The following MAGI2 variants were observed in gnomAD, a reference collection of about 807,000 sequenced individuals.
The protein encoded by MAGI2 is membrane associated guanylate kinase, WW and PDZ domain containing 2.
In MAGI2, 35 loss-of-function variants were observed where a neutral mutation model predicts 133.3. The observed-to-expected ratio is 0.26, with a 90% confidence interval of 0.20 to 0.35. The LOEUF (loss-of-function observed/expected upper bound fraction) is 0.35. Among genes scored for constraint, MAGI2 ranks in the 10% least tolerant of loss-of-function variants. MAGI2 has a pLI of 1.00. For missense variants in MAGI2, 1,636 were observed against 1,863.4 expected (o/e 0.88, Z 2.25); for synonymous variants, 729 against 710.6 (o/e 1.03, Z -0.41).
intron 1 of MAGI2, among the ~76,000 whole-genome samples, chr7:79,304,689 G>A (rs1837648553): frequency 6.6e-6 from 1 of 152,158 alleles, no homozygotes; most frequent in Non-Finnish European, 1.5e-5. Flanking sequence ...GCTGAGCACT[G>A]AATGTCAAAT....
At chr7:78,616,849 A>G (rs1287924301) in intron 3 of MAGI2, 3 of 152,186 alleles carry the variant, frequency 2.0e-5, no homozygotes, top group Non-Finnish European at 4.4e-5. Context: ...GTATTCATCC[A>G]TTCATTCAAC....
At chr7:79,394,688 A>G (rs1295201515) in intron 1 of MAGI2, among the ~76,000 whole-genome samples, 1 of 152,212 alleles carries the variant, frequency 6.6e-6, no homozygotes, top group Non-Finnish European at 1.5e-5. Flanking sequence ...TCTTCATTCT[A>G]CAAACAGTAA....
At chr7:79,008,821 T>C (rs544408950) in intron 1 of MAGI2, 1 of 152,284 alleles carries the variant, frequency 6.6e-6, no homozygotes, top group East Asian at 1.9e-4. Flanking sequence ...GGCACCACAC[T>C]AAAATAGCTA....
chr7:78,449,544 T>A (rs918073411), intron 6 of MAGI2, among the ~76,000 whole-genome samples: 1 of 151,988 alleles, frequency 6.6e-6, no homozygotes, highest in African/African-American at 2.4e-5. Context: ...CTAAGCAGAG[T>A]CTTGCTCCAT....
intron 1 of MAGI2, among the ~76,000 whole-genome samples, chr7:79,176,063 G>A (rs1386361418): frequency 1.3e-5 from 2 of 152,020 alleles, no homozygotes; most frequent in Non-Finnish European, 2.9e-5. Context: ...ACATGTTAAT[G>A]AATTAATATT....
At chr7:78,590,786 C>T (rs556969541) in intron 3 of MAGI2, among the ~76,000 whole-genome samples, 1 of 152,296 alleles carries the variant, frequency 6.6e-6, no homozygotes, top group South Asian at 2.1e-4. Context: ...GATTCTACTA[C>T]AGGTTAACCA....
At chr7:78,746,801 A>C (rs1822968585) in intron 2 of MAGI2, among the ~76,000 whole-genome samples, 1 of 152,158 alleles carries the variant, frequency 6.6e-6, no homozygotes, top group South Asian at 2.1e-4. Context: ...AAAGCATATT[A>C]ATTATGTGCT....
In MAGI2 at chr7:78,629,798, T is replaced by C. The variant is rs183169911; in HGVS notation, c.419-2559A>G. On this transcript the variant is annotated intron_variant, in intron 2 of 21. Coordinates refer to ENST00000354212, the MANE Select transcript of MAGI2 (RefSeq NM_012301.4). Reference sequence around the variant, plus strand: ...TTTTGCAGAAGACATGAGCTCATTCTTTCTTGGTAAAGAGACAATCTGAAA... The same window carrying C: ...TTTTGCAGAAGACATGAGCTCATTCCTTCTTGGTAAAGAGACAATCTGAAA... Among the ~76,000 whole-genome samples the C allele has an allele frequency of 3.3e-5, 5 of 152,282 alleles. No homozygotes were observed. In the East Asian group the frequency reaches 9.6e-4, roughly 29 times the overall value.
At chr7:79,122,617 A>G (rs968973017) in intron 1 of MAGI2, among the ~76,000 whole-genome samples, 20 of 152,154 alleles carry the variant, frequency 1.3e-4, no homozygotes, top group Admixed American at 6.5e-5. Context: ...TTCTAGTGAG[A>G]AACAAAATTA....
chr7:78,687,762 A>G (rs547077165), intron 2 of MAGI2, among the ~76,000 whole-genome samples: 24 of 151,964 alleles, frequency 1.6e-4, no homozygotes, highest in Admixed American at 2.6e-4. Flanking sequence ...TGAGGCGAGG[A>G]GTTCAAGACC....
At chr7:78,933,488 T>C (rs1192087183) in intron 2 of MAGI2, among the ~76,000 whole-genome samples, 1 of 152,136 alleles carries the variant, frequency 6.6e-6, no homozygotes, top group Non-Finnish European at 1.5e-5. Context: ...TGCAACTTTG[T>C]TCAGTGATGA....
intron 2 of MAGI2, among the ~76,000 whole-genome samples, chr7:78,682,590 T>C (rs1464177269): frequency 6.6e-6 from 1 of 152,160 alleles, no homozygotes; most frequent in East Asian, 1.9e-4. Context: ...CCATGGTGTA[T>C]ATGTGCCACA....
At chr7:78,749,575 A>G (rs1823259297) in intron 2 of MAGI2, among the ~76,000 whole-genome samples, 1 of 152,194 alleles carries the variant, frequency 6.6e-6, no homozygotes, top group Admixed American at 6.5e-5. Context: ...CAAAGATCAC[A>G]CTGGAAAGAG....
In MAGI2 at chr7:78,510,153, G is replaced by A. The variant is rs532369438; in HGVS notation, c.755-8366C>T. Among the ~76,000 whole-genome samples, 15 of 152,208 alleles carry A rather than the reference G, an allele frequency of 9.9e-5. No homozygotes were observed. In the South Asian group the frequency reaches 2.7e-3, roughly 27 times the overall value. ...AATTTGAAATGTAAACTTTTTTTAC[G>A]TTTCCTTTAAAAATTCCCCGATAAC... On this transcript the variant is annotated intron_variant, in intron 4 of 21. Transcript: ENST00000354212.
At chr7:78,229,016 A>G (rs756761600) in intron 10 of MAGI2, among the ~76,000 whole-genome samples, 2 of 152,284 alleles carry the variant, frequency 1.3e-5, no homozygotes, top group African/African-American at 4.8e-5. Context: ...CTTTCGGCCA[A>G]TGCAAATCAA....
rs565787874 is a variant in MAGI2, at chr7:79,329,237, T to C, written c.301+123783A>G. Among the ~76,000 whole-genome samples the C allele has an allele frequency of 2.0e-5, 3 of 152,306 alleles. No individual in the cohort carries two copies. The South Asian group carries it at 6.2e-4, about 32-fold the overall frequency. Reference sequence around the variant, plus strand: ...TCACTCTACAGATCAATATTTTCCATCCAGAAAAGGCAACCATGCATTAAA... The same window carrying C: ...TCACTCTACAGATCAATATTTTCCACCCAGAAAAGGCAACCATGCATTAAA... On this transcript the variant is annotated intron_variant, in intron 1 of 21. Transcript: ENST00000354212.
intron 2 of MAGI2, among the ~76,000 whole-genome samples, chr7:78,892,162 C>A (rs1796819371): frequency 6.6e-6 from 1 of 152,166 alleles, no homozygotes; most frequent in Non-Finnish European, 1.5e-5. Context: ...CCCAGGAATC[C>A]AACTTACAAG....
intron 3 of MAGI2, among the ~76,000 whole-genome samples, chr7:78,528,078 A>G (rs1326074665): frequency 6.6e-6 from 1 of 152,224 alleles, no homozygotes; most frequent in Non-Finnish European, 1.5e-5. Context: ...CCCACGGGGC[A>G]TGCAAACAGC....
At chr7:78,827,777 A>G (rs571490946) in intron 2 of MAGI2, among the ~76,000 whole-genome samples, 1 of 152,338 alleles carries the variant, frequency 6.6e-6, no homozygotes, top group African/African-American at 2.4e-5. Context: ...ATAAATGATT[A>G]CATTAGAAAT....
Sources: allele counts gnomAD v4.1 joint callset (sites outside exome capture counted in the v4.1 genomes callset), GRCh38; gene constraint gnomAD v4.1.1; transcripts MANE v1.5; gene names NCBI Gene and HGNC (gene_info 2026-07-23, HGNC 2026-07-21).